The following ALPK1 variants were observed in gnomAD, a reference collection of about 807,000 sequenced individuals.
ALPK1 encodes alpha-protein kinase 1.
A neutral mutation model predicts 120.6 loss-of-function variants in ALPK1; 110 were observed. The ratio of observed to expected loss-of-function variants is 0.91; its 90% CI spans 0.78 to 1.07. The LOEUF is 1.07. Ranked by LOEUF, ALPK1 falls within the 50% of genes least tolerant of loss-of-function variation. ALPK1 has a pLI of 0.00. For missense variants in ALPK1, 1,498 were observed against 1,483.9 expected (o/e 1.01, Z -0.16); for synonymous variants, 582 against 560.3 (o/e 1.04, Z -0.55).
chr4:112,387,548 G>A (rs1732207850), intron 4 of ALPK1, among the ~76,000 whole-genome samples: 2 of 152,222 alleles, frequency 1.3e-5, no homozygotes, highest in Non-Finnish European at 2.9e-5. Flanking sequence ...AGCAGGCTCA[G>A]AAGGAGGATA....
chr4:112,402,457 C>A (rs1293234523), intron 4 of ALPK1, among the ~76,000 whole-genome samples: 1 of 152,200 alleles, frequency 6.6e-6, no homozygotes, highest in Admixed American at 6.5e-5. Flanking sequence ...GGCTCTTCAG[C>A]ATTTTTTCAA....
intron 2 of ALPK1, among the ~76,000 whole-genome samples, chr4:112,334,270 TA>T (rs1171611643): frequency 2.0e-5 from 3 of 151,810 alleles, no homozygotes; most frequent in Non-Finnish European, 4.4e-5. Flanking sequence ...CCATTTCTAC[TA>T]AAAATACAAA....
At chr4:112,418,673 C>T (rs1247855564) in intron 5 of ALPK1, among the ~76,000 whole-genome samples, 2 of 152,258 alleles carry the variant, frequency 1.3e-5, no homozygotes, top group East Asian at 1.9e-4. Flanking sequence ...AAATGTTTAC[C>T]AGATCCATCC....
chr4:112,382,656 C>T, intron 4 of ALPK1, 104 bp downstream of exon 4: 1 of 1,493,684 alleles, frequency 6.7e-7, no homozygotes, highest in African/African-American at 1.4e-5. Flanking sequence ...AGACAGCCCC[C>T]TACCCTTATG....
chr4:112,389,510 G>T (rs1376399533), intron 4 of ALPK1, among the ~76,000 whole-genome samples: 1 of 152,182 alleles, frequency 6.6e-6, no homozygotes, highest in African/African-American at 2.4e-5. Flanking sequence ...CAAATGTCTG[G>T]TGTCTCTAAG....
At position 112,441,835 on chromosome 4, in the gene ALPK1, T is replaced by G. The variant is rs1387542550; in HGVS notation, c.*625T>G. ...AGTAAGATGGAAGAGTGGTACAGTT[T>G]TCTTTATCCAGTCTGTCCTTGATGG... On this transcript the variant is annotated 3_prime_UTR_variant, in exon 16 of 16. Transcript: ENST00000650871. The G allele has an allele frequency of 6.5e-6, 1 of 152,712 alleles. No homozygotes were observed. The highest frequency in any genetic ancestry group is 1.5e-5 in the Non-Finnish European group (1 of 68,446). 9.5% of individuals were successfully genotyped at this position (152,712 alleles called of 1,614,324 possible).
chr4:112,334,244 A>G (rs1729513877), intron 2 of ALPK1, among the ~76,000 whole-genome samples: 1 of 151,998 alleles, frequency 6.6e-6, no homozygotes, highest in Admixed American at 6.6e-5. Flanking sequence ...ACCAACCTGG[A>G]CAACATGGTG....
At chr4:112,320,299 G>A (rs1013479811) in intron 2 of ALPK1, among the ~76,000 whole-genome samples, 2 of 152,158 alleles carry the variant, frequency 1.3e-5, no homozygotes, top group African/African-American at 4.8e-5. Context: ...CTATTGACAT[G>A]ATCATGTGAT....
chr4:112,364,394 C>A (rs1731048568), intron 2 of ALPK1, among the ~76,000 whole-genome samples: 1 of 151,670 alleles, frequency 6.6e-6, no homozygotes, highest in South Asian at 2.1e-4. Flanking sequence ...CAACTGATAC[C>A]ACAGAAATAC....
At chr4:112,321,695 T>C (rs1412132992) in intron 2 of ALPK1, among the ~76,000 whole-genome samples, 2 of 152,228 alleles carry the variant, frequency 1.3e-5, no homozygotes, top group African/African-American at 4.8e-5. Flanking sequence ...TCATAGATTT[T>C]GGGACAGTGG....
At position 112,441,287 on chromosome 4, in the gene ALPK1, T is replaced by C; in HGVS notation, c.*77T>C. The C allele has an allele frequency of 1.0e-6, 1 of 967,808 alleles. No individual in the cohort carries two copies. The allele number at this position is 967,808 out of a possible 1,614,324, so 60.0% of individuals were successfully genotyped here. On this transcript the variant is annotated 3_prime_UTR_variant, in exon 16 of 16. Coordinates refer to ENST00000650871, the MANE Select transcript of ALPK1 (RefSeq NM_025144.4). ...TCTGGCCAATGATTTGCAAGAGGAA[T>C]TGATCAGTATCACTTTAAGTCCTGC... is the stretch of plus-strand genomic sequence containing the variant.
chr4:112,349,314 A>T (rs1397214076), intron 2 of ALPK1, among the ~76,000 whole-genome samples: 1 of 152,210 alleles, frequency 6.6e-6, no homozygotes, highest in Non-Finnish European at 1.5e-5. Flanking sequence ...TTATTTCTCA[A>T]AAACCTAAAT....
At chr4:112,388,828 T>G (rs1732271256) in intron 4 of ALPK1, among the ~76,000 whole-genome samples, 1 of 152,238 alleles carries the variant, frequency 6.6e-6, no homozygotes, top group Non-Finnish European at 1.5e-5. Context: ...GGAATGGTTC[T>G]TCCCATGTAT....
chr4:112,435,606 C>T (rs980958874), intron 12 of ALPK1, among the ~76,000 whole-genome samples: 1 of 147,760 alleles, frequency 6.8e-6, no homozygotes, highest in African/African-American at 2.5e-5. Flanking sequence ...GGCCAGAGAG[C>T]CTTCAATATT....
intron 2 of ALPK1, among the ~76,000 whole-genome samples, chr4:112,330,490 T>C (rs1729318380): frequency 6.6e-6 from 1 of 152,164 alleles, no homozygotes; most frequent in Non-Finnish European, 1.5e-5. Context: ...ATATGAATAT[T>C]GGCTACGGTC....
In ALPK1 at chr4:112,377,938, G is replaced by T. The variant is rs201029173; in HGVS notation, c.121+40G>T. 5 of 1,574,770 alleles carry T rather than the reference G, an allele frequency of 3.2e-6. No homozygotes were observed. The African/African-American group carries it at 5.4e-5, about 17-fold the overall frequency. On this transcript the variant is annotated intron_variant, in intron 3 of 15. Transcript: ENST00000650871. ...GGAGGCACCAGGGGTGAACCAGCAGGTTCACTCTCCTGTCCCCTGCCTGAA... is the reference window on the plus strand; with the variant it reads ...GGAGGCACCAGGGGTGAACCAGCAGTTTCACTCTCCTGTCCCCTGCCTGAA...
intron 4 of ALPK1, among the ~76,000 whole-genome samples, chr4:112,409,751 GAAGTA>G (rs957100588): frequency 7.2e-5 from 11 of 152,152 alleles, no homozygotes; most frequent in African/African-American, 2.7e-4. Flanking sequence ...CACCCCTCAT[GAAGTA>G]GAGTGGGGAA....
rs746732205 is a variant in ALPK1 at position 112,439,794 on chromosome 4, G to C, written c.3460G>C (p.Ala1154Pro). Reference protein sequence around the residue: ...NTKVVKTEYKATEYGLAYGHF... With the variant: ...NTKVVKTEYKPTEYGLAYGHF... The stretch of plus-strand genomic sequence containing the variant: ...GAAAGTGGTGAAAACAGAATACAAA[G>C]CCACAGAATATGGCTTGGCCTATGG... Residue 1154 changes from alanine to proline, a missense_variant, in exon 14 of 16, where the codon GCC (alanine) becomes CCC (proline). Coordinates refer to ENST00000650871, the MANE Select transcript of ALPK1 (RefSeq NM_025144.4). The C allele has an allele frequency of 1.2e-6, 2 of 1,613,476 alleles. No homozygotes were observed. Among genetic ancestry groups the C allele is most frequent in the Admixed American group, 3.3e-5 (2 of 59,904 alleles).
At chr4:112,324,127 A>G (rs1728989169) in intron 2 of ALPK1, among the ~76,000 whole-genome samples, 2 of 152,154 alleles carry the variant, frequency 1.3e-5, no homozygotes, top group Admixed American at 6.5e-5. Flanking sequence ...GGAGATCGAG[A>G]CCATCCTGGC....
Sources: allele counts gnomAD v4.1 joint callset (sites outside exome capture counted in the v4.1 genomes callset), GRCh38; gene constraint gnomAD v4.1.1; transcripts MANE v1.5; gene names NCBI Gene and HGNC (gene_info 2026-07-23, HGNC 2026-07-21).